The following TM9SF3 variants were observed in gnomAD, a reference collection of about 807,000 sequenced individuals.
TM9SF3 encodes the protein SM-11044-binding protein.
TM9SF3 carries 14 observed loss-of-function variants against 78.6 expected under a neutral mutation model. The observed-to-expected ratio is 0.18, with a 90% CI of 0.12 to 0.28. TM9SF3 has a LOEUF of 0.28. Ranked by LOEUF, TM9SF3 falls within the 10% of genes least tolerant of loss-of-function variation. The pLI, the probability that TM9SF3 is intolerant of heterozygous loss-of-function variation, is 1.00. For synonymous variants in TM9SF3, 231 were observed against 241.7 expected, an observed-to-expected ratio of 0.96 and a Z score of 0.41; for missense variants, 496 against 721.9, an observed-to-expected ratio of 0.69 and a Z score of 3.59.
chr10:96,586,818 GC>G lies in TM9SF3; in HGVS notation c.17del (p.Gly6AlafsTer40). 8.0e-7 allele frequency: 1 copy of G among 1,255,262 alleles called. No individual in the cohort carries two copies. The highest frequency in any genetic ancestry group is 3.0e-4 in the Middle Eastern group (1 of 3,296). 77.8% of individuals were successfully genotyped at this position (1,255,262 alleles called of 1,614,324 possible). A position where few individuals can be genotyped will look rare whatever the true frequency, so the allele number is the denominator to read the frequency against. MRPLP[G>X]ALGVAAAAAL... Reference sequence around the variant, plus strand: ...CGGCGGCCGCCGCCACGCCAAGAGCGCCAGGCAGCGGCCTCATCCTCCGCGC... The same window carrying G: ...CGGCGGCCGCCGCCACGCCAAGAGCGCAGGCAGCGGCCTCATCCTCCGCGC... On this transcript the variant is annotated frameshift_variant, in exon 1 of 15. Coordinates refer to ENST00000371142, the MANE Select transcript of TM9SF3 (RefSeq NM_020123.4). LOFTEE classifies it high-confidence loss of function.
intron 6 of TM9SF3, among the ~76,000 whole-genome samples, chr10:96,552,544 A>ACT (rs1161425164): frequency 1.3e-5 from 2 of 152,216 alleles, no homozygotes; most frequent in African/African-American, 4.8e-5. Context: ...AGAACTTAGA[A>ACT]AACAAATCTT....
At chr10:96,539,638 A>G (rs1847999565) in intron 9 of TM9SF3, among the ~76,000 whole-genome samples, 2 of 152,178 alleles carry the variant, frequency 1.3e-5, no homozygotes, top group African/African-American at 2.4e-5. Flanking sequence ...GTGTGTGTCT[A>G]TGGGTGTATG....
chr10:96,548,042 A>T lies in TM9SF3; in HGVS notation c.960-53T>A. 4.2e-6 allele frequency: 5 copies of T among 1,194,448 alleles called. No individual in the cohort carries two copies. In the East Asian group the frequency reaches 9.6e-5, roughly 23 times the overall value. 74.0% of individuals were successfully genotyped at this position (1,194,448 alleles called of 1,614,324 possible). On this transcript the variant is annotated intron_variant, in intron 7 of 14. Transcript: ENST00000371142. ...TTAAAACCAACAATTTAAAGAAAAC[A>T]TCATAGTCTATTATATTAGCATTAG...
At chr10:96,547,873 G>GA in intron 8 of TM9SF3, 22 bp downstream of exon 8, 1 of 1,551,212 alleles carries the variant, frequency 6.4e-7, no homozygotes, top group South Asian at 1.2e-5. Context: ...TTAACAACAT[G>GA]AAGTGAGAAT....
At chr10:96,539,334 G>A (rs957481900) in intron 9 of TM9SF3, among the ~76,000 whole-genome samples, 4 of 152,002 alleles carry the variant, frequency 2.6e-5, no homozygotes, top group African/African-American at 9.7e-5. Flanking sequence ...CTCCAGCCTG[G>A]GCTACAGAGC....
At chr10:96,543,823 T>C (rs1237331846) in intron 9 of TM9SF3, 1 of 220,552 alleles carries the variant, frequency 4.5e-6, no homozygotes, top group African/African-American at 2.3e-5. Context: ...TAGTGCTCTC[T>C]TTTAAAGTCA....
At chr10:96,546,884 A>C (rs1848106784) in intron 8 of TM9SF3, among the ~76,000 whole-genome samples, 2 of 152,230 alleles carry the variant, frequency 1.3e-5, no homozygotes, top group African/African-American at 4.8e-5. Context: ...CATCCTTGGA[A>C]ATATAATTTT....
intron 5 of TM9SF3, among the ~76,000 whole-genome samples, chr10:96,558,544 G>A (rs1848264476): frequency 6.6e-6 from 1 of 151,866 alleles, no homozygotes; most frequent in Non-Finnish European, 1.5e-5. Flanking sequence ...TACTCGGGAG[G>A]CTGAGGCAGG....
intron 3 of TM9SF3, among the ~76,000 whole-genome samples, chr10:96,564,563 C>G (rs757334037): frequency 5.9e-5 from 9 of 152,180 alleles, no homozygotes; most frequent in Non-Finnish European, 1.2e-4. Flanking sequence ...ATATTAAATG[C>G]TGATCTGATA....
chr10:96,566,064 G>C (rs541591824), intron 2 of TM9SF3, among the ~76,000 whole-genome samples: 2 of 152,166 alleles, frequency 1.3e-5, no homozygotes, highest in East Asian at 3.9e-4. Flanking sequence ...CTATTCAGAT[G>C]GTTTCTAACT....
intron 5 of TM9SF3, 61 bp downstream of exon 5, chr10:96,559,598 C>T (rs1848277894): frequency 2.5e-6 from 3 of 1,204,690 alleles, no homozygotes; most frequent in African/African-American, 1.5e-5. Flanking sequence ...GACAGATACT[C>T]AATGTTTGTT....
At chr10:96,548,850 C>T (rs1456666334) in intron 7 of TM9SF3, among the ~76,000 whole-genome samples, 4 of 146,852 alleles carry the variant, frequency 2.7e-5, no homozygotes, top group East Asian at 2.0e-4. Flanking sequence ...ATCAGACATA[C>T]GATTTTAAAA....
intron 1 of TM9SF3, 145 bp from the exon 2 acceptor site, chr10:96,576,974 T>C (rs992527017): frequency 1.2e-5 from 7 of 574,714 alleles, no homozygotes; most frequent in African/African-American, 9.8e-5. Flanking sequence ...AATCTGATGA[T>C]GAATGTCCAC....
intron 1 of TM9SF3, among the ~76,000 whole-genome samples, chr10:96,580,468 A>G (rs1367013917): frequency 6.6e-6 from 1 of 151,990 alleles, no homozygotes; most frequent in Non-Finnish European, 1.5e-5. Flanking sequence ...GGGTTTCACC[A>G]TGTTAGCCAG....
intron 2 of TM9SF3, among the ~76,000 whole-genome samples, chr10:96,568,270 T>C (rs1235218712): frequency 6.6e-6 from 1 of 152,248 alleles, no homozygotes; most frequent in African/African-American, 2.4e-5. Flanking sequence ...TTCAGCACTC[T>C]ATATATCTGG....
At chr10:96,552,472 A>G (rs1329759484) in intron 6 of TM9SF3, among the ~76,000 whole-genome samples, 2 of 152,200 alleles carry the variant, frequency 1.3e-5, no homozygotes, top group Non-Finnish European at 2.9e-5. Flanking sequence ...CAGTATACCT[A>G]TACCGAATAT....
At chr10:96,546,243 T>C (rs1246652798) in intron 8 of TM9SF3, among the ~76,000 whole-genome samples, 1 of 152,178 alleles carries the variant, frequency 6.6e-6, no homozygotes, top group Non-Finnish European at 1.5e-5. Context: ...GGACAAAATA[T>C]CAGGACACTA....
intron 2 of TM9SF3, among the ~76,000 whole-genome samples, chr10:96,575,431 T>C (rs1341374255): frequency 6.7e-6 from 1 of 150,074 alleles, no homozygotes; most frequent in Non-Finnish European, 1.5e-5. Context: ...CAACTTAATT[T>C]TATAATTAAG....
chr10:96,573,915 A>G (rs1023415085), intron 2 of TM9SF3, among the ~76,000 whole-genome samples: 2 of 152,210 alleles, frequency 1.3e-5, no homozygotes, highest in Non-Finnish European at 2.9e-5. Context: ...ACCTTAAGCA[A>G]AAATTAACTC....
Sources: allele counts gnomAD v4.1 joint callset (sites outside exome capture counted in the v4.1 genomes callset), GRCh38; gene constraint gnomAD v4.1.1; transcripts MANE v1.5; gene names NCBI Gene and HGNC (gene_info 2026-07-23, HGNC 2026-07-21).